Variants in GRID2 observed in about 807,000 individuals in gnomAD.
The protein encoded by GRID2 is glutamate receptor ionotropic, delta-2.
A neutral mutation model predicts 114.8 loss-of-function variants in GRID2; 33 were observed. The ratio of observed to expected loss-of-function variants is 0.29; its 90% CI spans 0.22 to 0.38. The LOEUF (loss-of-function observed/expected upper bound fraction) is 0.38. Ranked by LOEUF, GRID2 falls within the 10% of genes least tolerant of loss-of-function variation. The pLI is 1.00. For missense variants in GRID2, 1,184 were observed against 1,257.7 expected (o/e 0.94, Z 0.89); for synonymous variants, 505 against 449.9 (o/e 1.12, Z -1.55).
intron 14 of GRID2, among the ~76,000 whole-genome samples, chr4:93,666,090 G>T (rs1723922741): frequency 6.6e-6 from 1 of 152,074 alleles, no homozygotes; most frequent in Non-Finnish European, 1.5e-5. Context: ...TGTCTTGAAT[G>T]TAATAGATGA....
intron 10 of GRID2, among the ~76,000 whole-genome samples, chr4:93,441,378 G>T (rs1237581153): frequency 6.6e-6 from 1 of 151,970 alleles, no homozygotes; most frequent in Non-Finnish European, 1.5e-5. Context: ...GTCTACGTTA[G>T]TCTGGAAATT....
intron 13 of GRID2, among the ~76,000 whole-genome samples, chr4:93,524,739 C>G (rs1219695257): frequency 2.9e-5 from 4 of 140,154 alleles, no homozygotes; most frequent in Non-Finnish European, 6.1e-5. Context: ...ATACTACAAA[C>G]AAACATGTTT....
chr4:92,626,814 G>T (rs868115961), intron 2 of GRID2, among the ~76,000 whole-genome samples: 5 of 152,038 alleles, frequency 3.3e-5, no homozygotes, highest in Non-Finnish European at 5.9e-5. Context: ...ATGGGTGAGA[G>T]ACAGCAGACA....
intron 2 of GRID2, among the ~76,000 whole-genome samples, chr4:93,025,421 A>G (rs768779106): frequency 5.3e-5 from 8 of 151,876 alleles, no homozygotes; most frequent in South Asian, 4.1e-4. Flanking sequence ...GTAGGACCCT[A>G]TAATATTCTC....
chr4:92,524,325 T>C (rs1724931312), intron 1 of GRID2, among the ~76,000 whole-genome samples: 1 of 151,690 alleles, frequency 6.6e-6, no homozygotes, highest in Admixed American at 6.6e-5. Flanking sequence ...GGTCTATAGG[T>C]CAGAAGTCTA....
intron 1 of GRID2, among the ~76,000 whole-genome samples, chr4:92,545,747 A>C (rs2149167297): frequency 6.6e-6 from 1 of 152,194 alleles, no homozygotes; most frequent in South Asian, 2.1e-4. Context: ...TGGGTCTTTG[A>C]TTCACTTGGC....
chr4:93,249,020 G>A (rs1748520845), intron 8 of GRID2, among the ~76,000 whole-genome samples: 1 of 152,020 alleles, frequency 6.6e-6, no homozygotes, highest in Non-Finnish European at 1.5e-5. Context: ...AAACTTTTTT[G>A]AAACTTTGGG....
chr4:93,782,927 T>G (rs1734509201), intron 1 of GRID2, among the ~76,000 whole-genome samples: 1 of 150,302 alleles, frequency 6.7e-6, no homozygotes, highest in African/African-American at 2.5e-5. Context: ...ACACACAAAC[T>G]AATCTATCTT....
At chr4:92,872,073 G>C (rs1745319922) in intron 2 of GRID2, among the ~76,000 whole-genome samples, 1 of 152,082 alleles carries the variant, frequency 6.6e-6, no homozygotes. Flanking sequence ...CTTTGCATTT[G>C]AGAAGAAAGT....
intron 4 of GRID2, among the ~76,000 whole-genome samples, chr4:93,174,331 G>T (rs1268969859): frequency 6.6e-6 from 1 of 152,034 alleles, no homozygotes; most frequent in Non-Finnish European, 1.5e-5. Context: ...CCATAATTTT[G>T]TAATTTCAAG....
At chr4:92,749,489 A>G (rs1267385433) in intron 2 of GRID2, among the ~76,000 whole-genome samples, 1 of 150,174 alleles carries the variant, frequency 6.7e-6, no homozygotes, top group Non-Finnish European at 1.5e-5. Context: ...TAATTTTTAT[A>G]TTTTTAGTAG....
At chr4:92,321,958 G>C (rs1560566784) in intron 1 of GRID2, among the ~76,000 whole-genome samples, 1 of 152,020 alleles carries the variant, frequency 6.6e-6, no homozygotes, top group African/African-American at 2.4e-5. Context: ...TGGATACATT[G>C]CAATAAAATT....
chr4:92,917,688 T>A (rs988525104), intron 2 of GRID2, among the ~76,000 whole-genome samples: 1 of 152,226 alleles, frequency 6.6e-6, no homozygotes, highest in African/African-American at 2.4e-5. Context: ...CTGAGGACTC[T>A]CTTCTGTACC....
intron 2 of GRID2, among the ~76,000 whole-genome samples, chr4:92,985,757 A>C (rs1754480443): frequency 6.6e-6 from 1 of 152,156 alleles, no homozygotes; most frequent in African/African-American, 2.4e-5. Flanking sequence ...CAAATTTGAG[A>C]AATATTCCGC....
chr4:92,785,110 T>C lies in GRID2; in HGVS notation c.244+194824T>C, dbSNP rs1244718307. On this transcript the variant is annotated intron_variant, in intron 2 of 15. Transcript: ENST00000282020. Reference sequence around the variant, plus strand: ...TTTTTTAACAACTGACATAATCCACTAAAAATGATAAGTCTCTTAGTACCA... The same window carrying C: ...TTTTTTAACAACTGACATAATCCACCAAAAATGATAAGTCTCTTAGTACCA... 2.0e-5 allele frequency among the ~76,000 whole-genome samples: 3 copies of C among 147,142 alleles called. No homozygotes were observed. In the Admixed American group the frequency reaches 2.0e-4, roughly 10 times the overall value.
intron 1 of GRID2, among the ~76,000 whole-genome samples, chr4:92,572,081 T>C (rs113714684): frequency 0.14 from 21,168 of 151,488 alleles, 2,371 homozygotes; most frequent in African/African-American, 0.31. Context: ...TTCAAAAAAT[T>C]AATGAATCCA....
chr4:92,922,241 C>T (rs1052301695), intron 2 of GRID2, among the ~76,000 whole-genome samples: 11 of 152,146 alleles, frequency 7.2e-5, no homozygotes, highest in African/African-American at 2.4e-4. Context: ...CAGGTGCCAT[C>T]GTCACCCCTT....
rs115847723 is a variant in GRID2 at position 92,533,328 on chromosome 4, G to T, written c.89-56803G>T. 5.8e-3 allele frequency among the ~76,000 whole-genome samples: 872 copies of T among 151,156 alleles called. 10 individuals carry two copies. The highest frequency in any genetic ancestry group is 0.02 in the African/African-American group (827 of 41,178). On this transcript the variant is annotated intron_variant, in intron 1 of 15. Coordinates refer to ENST00000282020, the MANE Select transcript of GRID2 (RefSeq NM_001510.4). ...CACATACACACAGAAAACTATAAAA[G>T]CTTTCATCTTTCTTAGCTTTTGTCC...
intron 1 of GRID2, among the ~76,000 whole-genome samples, chr4:92,480,297 T>C (rs1722518952): frequency 6.6e-6 from 1 of 152,158 alleles, no homozygotes; most frequent in South Asian, 2.1e-4. Context: ...CAAAAATCAT[T>C]AATCAAATTT....
Sources: allele counts gnomAD v4.1 joint callset (sites outside exome capture counted in the v4.1 genomes callset), GRCh38; gene constraint gnomAD v4.1.1; transcripts MANE v1.5; gene names NCBI Gene and HGNC (gene_info 2026-07-23, HGNC 2026-07-21).